DLG1: variants seen among roughly 807,000 people sequenced by gnomAD.
DLG1 encodes the protein disks large homolog 1.
DLG1 carries 42 observed loss-of-function variants against 123.4 expected under a neutral mutation model. The ratio of observed to expected loss-of-function variants is 0.34; its 90% CI spans 0.27 to 0.44. DLG1 has a LOEUF of 0.44. DLG1 is among the 20% of genes least tolerant of loss of function. The pLI is 1.00. For missense variants in DLG1, 942 were observed against 1,082.6 expected (o/e 0.87, Z 1.82); for synonymous variants, 317 against 356.2 (o/e 0.89, Z 1.24).
At chr3:197,120,347 C>G (rs150141771) in intron 11 of DLG1, among the ~76,000 whole-genome samples, 9 of 151,316 alleles carry the variant, frequency 5.9e-5, no homozygotes, top group African/African-American at 2.2e-4. Flanking sequence ...TATAGGTTTT[C>G]CATTCTAGCA....
chr3:197,162,831 G>A (rs1042584243), intron 5 of DLG1, among the ~76,000 whole-genome samples: 1 of 152,068 alleles, frequency 6.6e-6, no homozygotes, highest in Non-Finnish European at 1.5e-5. Context: ...AATCATAAAT[G>A]ATGAAAGAAA....
chr3:197,223,358 T>C (rs546699307), intron 4 of DLG1, among the ~76,000 whole-genome samples: 4 of 152,330 alleles, frequency 2.6e-5, no homozygotes, highest in South Asian at 2.1e-4. Flanking sequence ...AGTAAACATA[T>C]TGCTTCTTCA....
At chr3:197,247,728 A>G (rs1752444496) in intron 4 of DLG1, among the ~76,000 whole-genome samples, 1 of 152,144 alleles carries the variant, frequency 6.6e-6, no homozygotes, top group African/African-American at 2.4e-5. Flanking sequence ...TTATTTTAAC[A>G]TGAGACCTAA....
intron 6 of DLG1, 27 bp from the exon 7 acceptor site, chr3:197,142,795 G>C (rs1283386788): frequency 6.3e-7 from 1 of 1,588,848 alleles, no homozygotes; most frequent in South Asian, 1.2e-5. Context: ...AAGCAGCTCA[G>C]AAACTTCAGA....
Position 197,296,341 on chromosome 3 carries a change from C to A in DLG1, c.151+5G>T. The A allele has an allele frequency of 6.2e-7, 1 of 1,611,830 alleles. No homozygotes were observed. The highest frequency in any genetic ancestry group is 1.1e-5 in the South Asian group (1 of 90,824). ...GCATAATAGTTACGAAGTTTTAATT[C>A]CCACCTATTAAAGCCTGAAAGAGGT... On this transcript the variant is annotated splice_donor_5th_base_variant and intron_variant, in intron 3 of 24. Coordinates refer to ENST00000667157, the MANE Select transcript of DLG1 (RefSeq NM_001366207.1).
chr3:197,173,112 G>A (rs187436524), intron 5 of DLG1, among the ~76,000 whole-genome samples: 152 of 152,184 alleles, frequency 1.0e-3, no homozygotes, highest in African/African-American at 3.4e-3. Flanking sequence ...CCCATGTAGT[G>A]TATTTTTATT....
chr3:197,149,388 C>T (rs981710227), intron 6 of DLG1, among the ~76,000 whole-genome samples: 1 of 152,000 alleles, frequency 6.6e-6, no homozygotes, highest in Non-Finnish European at 1.5e-5. Flanking sequence ...ACAAAAAAAA[C>T]CTGGTTACTA....
intron 4 of DLG1, among the ~76,000 whole-genome samples, chr3:197,236,412 A>G (rs1561607734): frequency 6.6e-6 from 1 of 152,192 alleles, no homozygotes; most frequent in African/African-American, 2.4e-5. Flanking sequence ...AATGTTAAAG[A>G]AGTTCTTCAC....
intron 4 of DLG1, among the ~76,000 whole-genome samples, chr3:197,278,282 C>CAAAAA (rs71164203): frequency 4.5e-4 from 17 of 37,522 alleles, no homozygotes; most frequent in African/African-American, 5.8e-4. Context: ...GACTCTGTCC[C>CAAAAA]AAAAAAAAAA....
chr3:197,294,989 TG>T (rs1233579404), intron 3 of DLG1, among the ~76,000 whole-genome samples: 91 of 152,324 alleles, frequency 6.0e-4, no homozygotes, highest in African/African-American at 2.0e-3. Context: ...CTAGGCTCAA[TG>T]TTGATTTAGA....
At chr3:197,167,936 A>G (rs1280997531) in intron 5 of DLG1, among the ~76,000 whole-genome samples, 1 of 152,228 alleles carries the variant, frequency 6.6e-6, no homozygotes, top group Admixed American at 6.5e-5. Context: ...TCTTATTAAC[A>G]GTCTCCAGCC....
intron 4 of DLG1, among the ~76,000 whole-genome samples, chr3:197,256,513 AT>A (rs1399952939): frequency 1.3e-5 from 2 of 152,266 alleles, no homozygotes; most frequent in Non-Finnish European, 2.9e-5. Context: ...AAAAACATCA[AT>A]CAGAGGTTTA....
intron 5 of DLG1, among the ~76,000 whole-genome samples, chr3:197,155,749 G>C (rs1267193598): frequency 1.3e-5 from 2 of 151,954 alleles, no homozygotes. Flanking sequence ...TGTGGAACAT[G>C]GTGAAACCCC....
intron 4 of DLG1, among the ~76,000 whole-genome samples, chr3:197,265,368 G>A (rs1761226576): frequency 6.6e-6 from 1 of 152,200 alleles, no homozygotes; most frequent in Non-Finnish European, 1.5e-5. Context: ...GACCCTGTGA[G>A]AAGAGAAACT....
intron 18 of DLG1, among the ~76,000 whole-genome samples, chr3:197,074,718 A>C (rs1746129158): frequency 6.6e-6 from 1 of 152,128 alleles, no homozygotes; most frequent in Admixed American, 6.5e-5. Context: ...CAAAAATAAC[A>C]AAGTGTGTCT....
intron 14 of DLG1, among the ~76,000 whole-genome samples, chr3:197,092,421 T>C (rs1275226012): frequency 6.6e-6 from 1 of 152,236 alleles, no homozygotes; most frequent in Non-Finnish European, 1.5e-5. Context: ...TACCATGATA[T>C]GATTACTGTA....
intron 18 of DLG1, among the ~76,000 whole-genome samples, chr3:197,075,468 G>A (rs1182261370): frequency 6.6e-6 from 1 of 151,436 alleles, no homozygotes; most frequent in Non-Finnish European, 1.5e-5. Flanking sequence ...ACAAAAAAAA[G>A]GGGAACATAA....
chr3:197,095,677 A>C (rs1472396458), intron 14 of DLG1, among the ~76,000 whole-genome samples: 8 of 152,170 alleles, frequency 5.3e-5, no homozygotes, highest in Non-Finnish European at 1.2e-4. Flanking sequence ...TCTACTGTAA[A>C]GTTACTTTTC....
intron 3 of DLG1, among the ~76,000 whole-genome samples, chr3:197,287,174 A>G (rs896785292): frequency 1.3e-5 from 2 of 152,110 alleles, no homozygotes; most frequent in African/African-American, 4.8e-5. Context: ...CATGGCCTAC[A>G]AGATGGAAAA....
Sources: allele counts gnomAD v4.1 joint callset (sites outside exome capture counted in the v4.1 genomes callset), GRCh38; gene constraint gnomAD v4.1.1; transcripts MANE v1.5; gene names NCBI Gene and HGNC (gene_info 2026-07-23, HGNC 2026-07-21).